The following UBAP1 variants were observed in gnomAD, a reference collection of about 807,000 sequenced individuals.
UBAP1 encodes the protein ubiquitin associated protein 1.
UBAP1 carries 5 observed loss-of-function variants against 39.0 expected under a neutral mutation model. The ratio of observed to expected loss-of-function variants is 0.13; its 90% CI spans 0.07 to 0.27. The LOEUF (loss-of-function observed/expected upper bound fraction) is 0.27, where lower values mean the gene tolerates loss of function less well. Ranked by LOEUF, UBAP1 falls within the 10% of genes least tolerant of loss-of-function variation. The pLI, the probability that UBAP1 is intolerant of heterozygous loss-of-function variation, is 1.00. For missense variants in UBAP1, 490 were observed against 608.1 expected (o/e 0.81, Z 2.04); for synonymous variants, 211 against 225.1 (o/e 0.94, Z 0.56).
At chr9:34,250,624 C>A (rs780948711) in intron 5 of UBAP1, 34 bp from the exon 6 acceptor site, 2 of 1,553,860 alleles carry the variant, frequency 1.3e-6, no homozygotes, top group South Asian at 2.3e-5. Flanking sequence ...CAAAGAGCAG[C>A]AGTAGGTGCT....
intron 1 of UBAP1, among the ~76,000 whole-genome samples, chr9:34,193,151 A>G (rs1206622490): frequency 6.6e-6 from 1 of 151,992 alleles, no homozygotes; most frequent in Non-Finnish European, 1.5e-5. Context: ...TCTACTAAAA[A>G]TACAAAAAAT....
intron 2 of UBAP1, among the ~76,000 whole-genome samples, chr9:34,223,131 T>G (rs72731281): frequency 1.3e-5 from 2 of 152,250 alleles, no homozygotes; most frequent in African/African-American, 2.4e-5. Flanking sequence ...TTCCCATATC[T>G]CCTTAAATTC....
At chr9:34,229,954 C>T (rs535357251) in intron 2 of UBAP1, among the ~76,000 whole-genome samples, 3 of 151,896 alleles carry the variant, frequency 2.0e-5, no homozygotes, top group Admixed American at 6.6e-5. Flanking sequence ...GGATTACAGG[C>T]GTGAGCCACC....
chr9:34,190,423 G>T (rs1830649072), intron 1 of UBAP1, among the ~76,000 whole-genome samples: 1 of 152,034 alleles, frequency 6.6e-6, no homozygotes, highest in South Asian at 2.1e-4. Flanking sequence ...CTGAGTAGCT[G>T]GGATTACAGG....
chr9:34,207,048 C>CTTTTTTTTTTTTTTTTTTTTTTT (rs34197502), intron 1 of UBAP1, among the ~76,000 whole-genome samples: 2 of 90,056 alleles, frequency 2.2e-5, no homozygotes, highest in African/African-American at 4.5e-5. Flanking sequence ...ATTGTTATTT[C>CTTTTTTTTTTTTTTTTTTTTTTT]TTTTTTTTTT....
chr9:34,218,971 A>G (rs1832503761), intron 1 of UBAP1, among the ~76,000 whole-genome samples: 1 of 152,158 alleles, frequency 6.6e-6, no homozygotes, highest in Admixed American at 6.6e-5. Flanking sequence ...CATTTTCAGT[A>G]TGGTTTGCTG....
At chr9:34,181,116 CTTTTT>C (rs67856544) in intron 1 of UBAP1, among the ~76,000 whole-genome samples, 1 of 72,238 alleles carries the variant, frequency 1.4e-5, no homozygotes, top group Non-Finnish European at 2.5e-5. Context: ...GGCCTGTTTT[CTTTTT>C]TTTTTTTTTT....
chr9:34,202,066 G>A (rs914285584), intron 1 of UBAP1, among the ~76,000 whole-genome samples: 2 of 152,130 alleles, frequency 1.3e-5, no homozygotes, highest in Non-Finnish European at 1.5e-5. Flanking sequence ...CCTCCGTCCA[G>A]GTGTTCAGCT....
chr9:34,192,279 G>A (rs1370652562), intron 1 of UBAP1, among the ~76,000 whole-genome samples: 1 of 151,888 alleles, frequency 6.6e-6, no homozygotes, highest in Non-Finnish European at 1.5e-5. Context: ...CACTTTGGGA[G>A]GCTGAGGTGG....
chr9:34,193,405 AAC>A (rs1450050691), intron 1 of UBAP1, among the ~76,000 whole-genome samples: 1 of 152,072 alleles, frequency 6.6e-6, no homozygotes, highest in Non-Finnish European at 1.5e-5. Flanking sequence ...ATCAACACAG[AAC>A]ACATCTGTGA....
At chr9:34,193,143 T>C (rs2131514057) in intron 1 of UBAP1, among the ~76,000 whole-genome samples, 1 of 152,038 alleles carries the variant, frequency 6.6e-6, no homozygotes, top group Admixed American at 6.6e-5. Context: ...CCCATCTCTC[T>C]ACTAAAAATA....
chr9:34,205,416 T>C (rs1443901682), intron 1 of UBAP1, among the ~76,000 whole-genome samples: 1 of 152,208 alleles, frequency 6.6e-6, no homozygotes, highest in African/African-American at 2.4e-5. Context: ...TTTCAGACTT[T>C]TTATTGGTAA....
intron 2 of UBAP1, among the ~76,000 whole-genome samples, chr9:34,225,550 G>T (rs1241574392): frequency 1.3e-5 from 2 of 151,978 alleles, no homozygotes; most frequent in African/African-American, 4.8e-5. Context: ...GGTTGAGGCA[G>T]GCGGATCATG....
rs1294192618 is a variant in UBAP1, at chr9:34,179,053, A to T, written c.-195A>T. 1 of 1,277,900 alleles carries T rather than the reference A, an allele frequency of 7.8e-7. No homozygotes were observed. The highest frequency in any genetic ancestry group is 9.9e-7 in the Non-Finnish European group (1 of 1,010,956). 79.2% of individuals were successfully genotyped at this position (1,277,900 alleles called of 1,614,324 possible). A position where few individuals can be genotyped will look rare whatever the true frequency, so the allele number is the denominator to read the frequency against. ...TGAGGGGAAGGAGGAGGGAAGTAGGACTTCAACATGGCGGCTGCGGCACTG... is the reference window on the plus strand; with the variant it reads ...TGAGGGGAAGGAGGAGGGAAGTAGGTCTTCAACATGGCGGCTGCGGCACTG... On this transcript the variant is annotated 5_prime_UTR_variant, in exon 1 of 7. Coordinates refer to ENST00000297661, the MANE Select transcript of UBAP1 (RefSeq NM_016525.5).
chr9:34,188,183 C>T (rs535368566), intron 1 of UBAP1, among the ~76,000 whole-genome samples: 1 of 147,636 alleles, frequency 6.8e-6, no homozygotes, highest in Admixed American at 6.9e-5. Context: ...TTTACAACCA[C>T]CAGATTAAAA....
At chr9:34,196,552 G>A (rs1831069645) in intron 1 of UBAP1, among the ~76,000 whole-genome samples, 1 of 151,860 alleles carries the variant, frequency 6.6e-6, no homozygotes, top group African/African-American at 2.4e-5. Flanking sequence ...CCTGACCTCA[G>A]GTGATCTGCC....
At chr9:34,227,889 G>C (rs1306119920) in intron 2 of UBAP1, among the ~76,000 whole-genome samples, 2 of 152,218 alleles carry the variant, frequency 1.3e-5, no homozygotes, top group Non-Finnish European at 2.9e-5. Flanking sequence ...CACTTTGGGA[G>C]GCTGAGGTGG....
At chr9:34,180,298 C>G (rs556688216) in intron 1 of UBAP1, among the ~76,000 whole-genome samples, 9 of 152,034 alleles carry the variant, frequency 5.9e-5, no homozygotes, top group Non-Finnish European at 1.0e-4. Context: ...GGGCGGATCA[C>G]GAGGTCAAGA....
intron 2 of UBAP1, among the ~76,000 whole-genome samples, chr9:34,221,390 G>A (rs1326924981): frequency 3.9e-5 from 6 of 151,946 alleles, no homozygotes; most frequent in East Asian, 1.9e-4. Flanking sequence ...TTAGCCGGGC[G>A]TGTTGGCGGG....
Sources: allele counts gnomAD v4.1 joint callset (sites outside exome capture counted in the v4.1 genomes callset), GRCh38; gene constraint gnomAD v4.1.1; transcripts MANE v1.5; gene names NCBI Gene and HGNC (gene_info 2026-07-23, HGNC 2026-07-21).